Variants in MMP26 observed in about 807,000 individuals in gnomAD.
MMP26 encodes the protein matrix metalloproteinase-26.
MMP26 carries 33 observed loss-of-function variants against 31.0 expected under a neutral mutation model. The observed-to-expected ratio is 1.06, with a 90% confidence interval of 0.81 to 1.42. The LOEUF is 1.42. Among genes scored for constraint, MMP26 ranks in the 40% most tolerant of loss-of-function variants. The pLI is 0.00. For synonymous variants in MMP26, 122 were observed against 114.9 expected (o/e 1.06, Z -0.40); for missense variants, 347 against 316.1 (o/e 1.10, Z -0.74).
chr11:4,773,991 AG>A lies in MMP26; in HGVS notation c.-145+6651del, dbSNP rs140896418. Among the ~76,000 whole-genome samples, 9 of 152,312 alleles carry A rather than the reference AG, an allele frequency of 5.9e-5. No individual in the cohort carries two copies. In the East Asian group the frequency reaches 1.7e-3, roughly 29 times the overall value. On this transcript the variant is annotated intron_variant, in intron 2 of 7. Coordinates refer to ENST00000380390, the MANE Select transcript of MMP26 (RefSeq NM_021801.5). ...ATCTCATTCCTTTTTATAACTGCAT[AG>A]TACTCCATGGTTTATATGTACCACA...
chr11:4,801,008 A>G (rs557072586), intron 2 of MMP26, among the ~76,000 whole-genome samples: 19 of 152,284 alleles, frequency 1.2e-4, no homozygotes, highest in African/African-American at 3.4e-4. Context: ...TTTACTGTCC[A>G]TATTTCTTCA....
intron 2 of MMP26, among the ~76,000 whole-genome samples, chr11:4,975,920 C>T (rs1242170147): frequency 6.6e-6 from 1 of 152,050 alleles, no homozygotes; most frequent in Admixed American, 6.5e-5. Context: ...TTTTAAATCC[C>T]TCCATATTCA....
intron 2 of MMP26, chr11:4,914,691 G>A (rs1851046119): frequency 6.6e-7 from 1 of 1,511,726 alleles, no homozygotes; most frequent in South Asian, 1.2e-5. Context: ...CACGTTTCAG[G>A]AGACAGTGGC....
chr11:4,788,905 C>A (rs962825272), intron 2 of MMP26, among the ~76,000 whole-genome samples: 6 of 152,150 alleles, frequency 3.9e-5, no homozygotes, highest in African/African-American at 1.4e-4. Flanking sequence ...GGGACCACAG[C>A]TATGATTATG....
At chr11:4,849,109 A>G (rs1291339668) in intron 2 of MMP26, 1 of 1,614,054 alleles carries the variant, frequency 6.2e-7, no homozygotes, top group African/African-American at 1.3e-5. Context: ...AATGTCCACC[A>G]GGAGGGTGCA....
At chr11:4,766,569 G>C (rs571679278) in intron 1 of MMP26, among the ~76,000 whole-genome samples, 62 of 152,216 alleles carry the variant, frequency 4.1e-4, no homozygotes, top group African/African-American at 1.4e-3. Context: ...TAGATTTTCT[G>C]TTGCTACAAT....
chr11:4,829,421 G>A (rs1175867818), intron 2 of MMP26, among the ~76,000 whole-genome samples: 1 of 152,068 alleles, frequency 6.6e-6, no homozygotes, highest in Non-Finnish European at 1.5e-5. Flanking sequence ...TTTGTTTCAG[G>A]CCAATAGTAT....
chr11:4,759,202 G>T (rs978628291), intron 1 of MMP26, among the ~76,000 whole-genome samples: 2 of 149,058 alleles, frequency 1.3e-5, no homozygotes, highest in African/African-American at 5.0e-5. Context: ...AATACAGGAA[G>T]AATTTTCAGT....
chr11:4,925,424 A>G (rs1851256221), intron 2 of MMP26, among the ~76,000 whole-genome samples: 2 of 152,192 alleles, frequency 1.3e-5, no homozygotes, highest in African/African-American at 4.8e-5. Flanking sequence ...CAATAAGTCA[A>G]GATGGATGGC....
At chr11:4,748,635 G>A (rs925938409) in intron 1 of MMP26, among the ~76,000 whole-genome samples, 11 of 148,072 alleles carry the variant, frequency 7.4e-5, no homozygotes, top group South Asian at 2.1e-4. Context: ...CAAGGATGTC[G>A]CAACGTAGGC....
chr11:4,933,585 T>C (rs189436606), intron 2 of MMP26, among the ~76,000 whole-genome samples: 2,723 of 151,922 alleles, frequency 0.018, 29 homozygotes, highest in Middle Eastern at 0.034. Flanking sequence ...TTTTTATTTT[T>C]ATTATACTTT....
intron 2 of MMP26, among the ~76,000 whole-genome samples, chr11:4,888,170 A>G (rs191884722): frequency 1.4e-4 from 21 of 152,284 alleles, no homozygotes; most frequent in African/African-American, 5.1e-4. Context: ...GTTTTCTAAT[A>G]ATTCATAGCA....
At chr11:4,713,443 C>A (rs1472068434) in intron 1 of MMP26, among the ~76,000 whole-genome samples, 1 of 152,144 alleles carries the variant, frequency 6.6e-6, no homozygotes, top group Non-Finnish European at 1.5e-5. Flanking sequence ...TGTCTCCTGA[C>A]AGACCTGGTT....
At chr11:4,789,370 G>C (rs1354028011) in intron 2 of MMP26, among the ~76,000 whole-genome samples, 1 of 151,738 alleles carries the variant, frequency 6.6e-6, no homozygotes, top group Non-Finnish European at 1.5e-5. Flanking sequence ...TGGGGTCTCT[G>C]TTACTATATT....
intron 2 of MMP26, among the ~76,000 whole-genome samples, chr11:4,844,654 A>T (rs755599723): frequency 4.6e-5 from 7 of 152,216 alleles, no homozygotes; most frequent in Non-Finnish European, 1.0e-4. Context: ...AGAATGAAGG[A>T]TAAAAACCAT....
At chr11:4,724,017 T>C in intron 1 of MMP26, 1 of 693,250 alleles carries the variant, frequency 1.4e-6, no homozygotes, top group South Asian at 1.6e-5. Context: ...CACCATAACC[T>C]CCACCCAGGC....
In MMP26 at chr11:4,881,477, T is replaced by C. The variant is rs541501892; in HGVS notation, c.-144-106591T>C. 3.3e-5 allele frequency among the ~76,000 whole-genome samples: 5 copies of C among 152,286 alleles called. No individual in the cohort carries two copies. In the East Asian group the frequency reaches 9.7e-4, roughly 30 times the overall value. ...AAACACTTGGACTCCACAAACATTC[T>C]TCTTTAGATGAGTCATGAGAACATA... On this transcript the variant is annotated intron_variant, in intron 2 of 7. Transcript: ENST00000380390.
In MMP26 at chr11:4,927,606, A is replaced by G. The variant is rs530490564; in HGVS notation, c.-144-60462A>G. Among the ~76,000 whole-genome samples the G allele has an allele frequency of 2.6e-5, 4 of 152,152 alleles. No individual in the cohort carries two copies. In the South Asian group the frequency reaches 8.3e-4, roughly 32 times the overall value. Reference sequence around the variant, plus strand: ...GATCTATGTGTTCTGACTGTTTTCTATGTGCTTCTGCTTGCAATGCATGCC... The same window carrying G: ...GATCTATGTGTTCTGACTGTTTTCTGTGTGCTTCTGCTTGCAATGCATGCC... On this transcript the variant is annotated intron_variant, in intron 2 of 7. Transcript: ENST00000380390.
intron 2 of MMP26, among the ~76,000 whole-genome samples, chr11:4,865,723 C>G (rs906603485): frequency 1.3e-5 from 2 of 151,984 alleles, no homozygotes; most frequent in Non-Finnish European, 2.9e-5. Context: ...TGCTGCCAGA[C>G]AATGCAGACT....
Sources: gnomAD v4.1 joint callset for allele counts (sites outside exome capture counted in the v4.1 genomes callset) on GRCh38, gnomAD v4.1.1 for gene constraint, MANE v1.5 for transcripts, NCBI Gene and HGNC (gene_info 2026-07-23, HGNC 2026-07-21) for gene names.